ABHD18: variants seen among roughly 807,000 people sequenced by gnomAD.
ABHD18 encodes the protein cardiolipin-specific deacylase, mitochondrial.
Under a neutral mutation model 65.9 loss-of-function variants are expected in ABHD18, and 55 were observed. The ratio of observed to expected loss-of-function variants is 0.84; its 90% CI spans 0.67 to 1.05. The LOEUF is 1.05. Among genes scored for constraint, ABHD18 ranks in the 50% least tolerant of loss-of-function variants. The pLI, the probability that ABHD18 is intolerant of heterozygous loss-of-function variation, is 0.00. For missense variants in ABHD18, 533 were observed against 558.5 expected, an observed-to-expected ratio of 0.95 and a Z score of 0.46; for synonymous variants, 181 against 180.2, an observed-to-expected ratio of 1.00 and a Z score of -0.04.
intron 1 of ABHD18, among the ~76,000 whole-genome samples, chr4:127,975,081 C>T (rs2149048508): frequency 6.6e-6 from 1 of 151,876 alleles, no homozygotes; most frequent in Non-Finnish European, 1.5e-5. Flanking sequence ...ATTTACTTCC[C>T]CTCAAAATTT....
rs540841687 is a variant in ABHD18 at position 128,022,759 on chromosome 4, C to T, written c.801+1521C>T. On this transcript the variant is annotated intron_variant, in intron 10 of 12. Transcript: ENST00000645843. ...TTTCCTACTGCTCTTCAAAAGTGAC[C>T]GATCCTTTTCTTTTTTTTTTTTTTT... Among the ~76,000 whole-genome samples the T allele has an allele frequency of 4.0e-5, 6 of 150,400 alleles. No homozygotes were observed. In the South Asian group the frequency reaches 8.4e-4, roughly 21 times the overall value.
At chr4:128,005,809 A>C (rs539697103) in intron 4 of ABHD18, among the ~76,000 whole-genome samples, 1 of 152,172 alleles carries the variant, frequency 6.6e-6, no homozygotes, top group Non-Finnish European at 1.5e-5. Context: ...ATGAAGATCC[A>C]AGAGGATACT....
intron 1 of ABHD18, among the ~76,000 whole-genome samples, chr4:127,975,294 G>A (rs1437086962): frequency 6.6e-6 from 1 of 152,078 alleles, no homozygotes; most frequent in Non-Finnish European, 1.5e-5. Flanking sequence ...CCATTAAACA[G>A]TAGCCTCCCC....
intron 7 of ABHD18, among the ~76,000 whole-genome samples, 178 bp from the exon 8 acceptor site, chr4:128,017,185 T>A (rs1329934685): frequency 6.6e-6 from 1 of 152,236 alleles, no homozygotes; most frequent in Non-Finnish European, 1.5e-5. Context: ...CCCAAAGTGC[T>A]GGGATTACAG....
At chr4:127,967,131 T>C (rs1387132092) in intron 1 of ABHD18, among the ~76,000 whole-genome samples, 1 of 151,860 alleles carries the variant, frequency 6.6e-6, no homozygotes, top group Non-Finnish European at 1.5e-5. Context: ...GTATGGCACA[T>C]ATATAGTGGA....
chr4:128,008,598 AC>A (rs1418360911), intron 4 of ABHD18, among the ~76,000 whole-genome samples: 1 of 151,788 alleles, frequency 6.6e-6, no homozygotes. Context: ...TTTAAGACTT[AC>A]TCATATATAG....
intron 1 of ABHD18, among the ~76,000 whole-genome samples, chr4:127,980,576 C>A (rs1748838361): frequency 6.6e-6 from 1 of 151,212 alleles, no homozygotes; most frequent in Non-Finnish European, 1.5e-5. Flanking sequence ...GTAATCCCAG[C>A]ACTTTGAGAG....
intron 9 of ABHD18, among the ~76,000 whole-genome samples, chr4:128,020,663 A>G (rs1199082443): frequency 6.6e-6 from 1 of 152,184 alleles, no homozygotes; most frequent in Non-Finnish European, 1.5e-5. Context: ...GAAAAGTTTT[A>G]TATAAGTATA....
chr4:127,966,375 C>T (rs1745378564), intron 1 of ABHD18, among the ~76,000 whole-genome samples: 1 of 152,074 alleles, frequency 6.6e-6, no homozygotes, highest in Non-Finnish European at 1.5e-5. Flanking sequence ...CAGAGTCACT[C>T]TGTGTGGAAG....
intron 7 of ABHD18, among the ~76,000 whole-genome samples, chr4:128,015,221 G>A (rs911405446): frequency 6.6e-6 from 1 of 152,062 alleles, no homozygotes; most frequent in Non-Finnish European, 1.5e-5. Flanking sequence ...CTCCAGCCTG[G>A]GCAATGAGAG....
intron 10 of ABHD18, 67 bp downstream of exon 10, chr4:128,021,305 G>A: frequency 3.1e-6 from 3 of 954,250 alleles, no homozygotes; most frequent in Non-Finnish European, 3.2e-6. Flanking sequence ...AATGATTCAG[G>A]TTTTTAAAGA....
rs749667924 is a variant in ABHD18 at position 127,989,720 on chromosome 4, G to A, written c.178-1G>A. The A allele has an allele frequency of 1.3e-6, 2 of 1,569,530 alleles. No homozygotes were observed. Among genetic ancestry groups the A allele is most frequent in the South Asian group, 2.4e-5 (2 of 83,328 alleles). ...ACATCTTGGTTTTGATTTTCTTTTAGATTGAAGAGCAATCAGATTGTAAGA... is the reference window on the plus strand; with the variant it reads ...ACATCTTGGTTTTGATTTTCTTTTAAATTGAAGAGCAATCAGATTGTAAGA... On this transcript the variant is annotated splice_acceptor_variant, in intron 3 of 12. Coordinates refer to ENST00000645843, the MANE Select transcript of ABHD18 (RefSeq NM_001358451.3). LOFTEE classifies it high-confidence loss of function.
intron 1 of ABHD18, among the ~76,000 whole-genome samples, chr4:127,966,481 G>T (rs992570114): frequency 6.6e-6 from 1 of 151,872 alleles, no homozygotes; most frequent in Non-Finnish European, 1.5e-5. Flanking sequence ...GTCATGTATG[G>T]TATATGCCAT....
chr4:127,978,140 T>C (rs1458862684), intron 1 of ABHD18, among the ~76,000 whole-genome samples: 2 of 152,096 alleles, frequency 1.3e-5, no homozygotes, highest in Non-Finnish European at 2.9e-5. Context: ...ATAAGAGCTA[T>C]TTGAAAGAAA....
At chr4:127,980,083 G>A (rs555360188) in intron 1 of ABHD18, among the ~76,000 whole-genome samples, 2 of 152,302 alleles carry the variant, frequency 1.3e-5, no homozygotes, top group Admixed American at 6.5e-5. Flanking sequence ...GTTCCCGATA[G>A]TTCACGTGTT....
intron 4 of ABHD18, among the ~76,000 whole-genome samples, chr4:128,007,272 T>C (rs1250256972): frequency 2.0e-5 from 3 of 148,228 alleles, no homozygotes; most frequent in East Asian, 4.0e-4. Flanking sequence ...TGAGCTGTAA[T>C]TGTGTCACCG....
chr4:127,983,069 A>G, intron 2 of ABHD18, 22 bp downstream of exon 2: 1 of 1,484,422 alleles, frequency 6.7e-7, no homozygotes, highest in Non-Finnish European at 9.2e-7. Context: ...TTTTTCCTGA[A>G]TACTTGTTCT....
intron 3 of ABHD18, 145 bp downstream of exon 3, chr4:127,984,568 T>A (rs941599392): frequency 2.0e-6 from 1 of 490,046 alleles, no homozygotes; most frequent in Admixed American, 3.6e-5. Context: ...TAAAGAATAC[T>A]ATTTGTGGGC....
chr4:128,011,527 TAAG>T (rs1183696408), intron 6 of ABHD18, 143 bp from the exon 7 acceptor site: 16 of 454,100 alleles, frequency 3.5e-5, no homozygotes. Flanking sequence ...GTTGAAAACT[TAAG>T]AACTTCTAAA....
Sources: allele counts gnomAD v4.1 joint callset (sites outside exome capture counted in the v4.1 genomes callset), GRCh38; gene constraint gnomAD v4.1.1; transcripts MANE v1.5; gene names NCBI Gene and HGNC (gene_info 2026-07-23, HGNC 2026-07-21).